Variants in ANKRD12 observed in about 807,000 individuals in gnomAD.
ANKRD12 encodes ankyrin repeat domain-containing protein 12.
ANKRD12 carries 85 observed loss-of-function variants against 183.4 expected under a neutral mutation model. The ratio of observed to expected loss-of-function variants is 0.46; its 90% CI spans 0.39 to 0.56. ANKRD12 has a LOEUF of 0.56. Ranked by LOEUF, ANKRD12 falls within the 20% of genes least tolerant of loss-of-function variation. ANKRD12 has a pLI of 0.00. For synonymous variants in ANKRD12, 914 were observed against 800.2 expected, an observed-to-expected ratio of 1.14 and a Z score of -2.40; for missense variants, 2,405 against 2,357.1, an observed-to-expected ratio of 1.02 and a Z score of -0.42.
intron 1 of ANKRD12, among the ~76,000 whole-genome samples, chr18:9,159,718 C>T (rs1368304619): frequency 6.6e-6 from 1 of 151,650 alleles, no homozygotes; most frequent in Non-Finnish European, 1.5e-5. Flanking sequence ...GGATTACAGG[C>T]GTGAGCCACT....
chr18:9,144,889 AATAC>A lies in ANKRD12; in HGVS notation c.-52+7931_-52+7934del, dbSNP rs200243083. The stretch of plus-strand genomic sequence containing the variant: ...ATTATGTATGTATTTGTATGTATGT[AATAC>A]ATACATTATGTAATAAATATGTATA... On this transcript the variant is annotated intron_variant, in intron 1 of 12. Transcript: ENST00000262126. 4.4e-3 allele frequency among the ~76,000 whole-genome samples: 671 copies of A among 152,098 alleles called. 11 individuals carry two copies. Among genetic ancestry groups the A allele is most frequent in the Non-Finnish European group, 1.4e-3 (96 of 67,954 alleles).
Position 9,255,685 on chromosome 18 carries a change from A to C in ANKRD12, c.2418A>C (p.Ile806=). The C allele has an allele frequency of 6.3e-7, 1 of 1,593,954 alleles. No individual in the cohort carries two copies. Among genetic ancestry groups the C allele is most frequent in the Non-Finnish European group, 8.5e-7 (1 of 1,174,838 alleles). ...SIGLHLVEKE[I]DIEKQEKHIK... ...GGCTTCATTTAGTGGAAAAGGAAAT[A>C]GACATTGAAAAACAAGAAAAGCATA... Residue 806 remains isoleucine (I), a synonymous_variant, in exon 9 of 13, where the codon ATA becomes ATC. Coordinates refer to ENST00000262126, the MANE Select transcript of ANKRD12 (RefSeq NM_015208.5).
chr18:9,145,566 C>G (rs994380826), intron 1 of ANKRD12, among the ~76,000 whole-genome samples: 1 of 152,144 alleles, frequency 6.6e-6, no homozygotes, highest in African/African-American at 2.4e-5. Flanking sequence ...ATCATTCTGT[C>G]TTGTTCTCTA....
chr18:9,185,912 A>T (rs1324490126), intron 2 of ANKRD12, among the ~76,000 whole-genome samples: 1 of 152,234 alleles, frequency 6.6e-6, no homozygotes, highest in Non-Finnish European at 1.5e-5. Flanking sequence ...ACAGAATGCA[A>T]TGTTAGATTT....
chr18:9,187,261 A>G (rs2034148629), intron 2 of ANKRD12, among the ~76,000 whole-genome samples: 1 of 152,204 alleles, frequency 6.6e-6, no homozygotes, highest in Non-Finnish European at 1.5e-5. Flanking sequence ...TCTACCAAAA[A>G]AAAAAAATTA....
In ANKRD12 at chr18:9,155,730, TTTG is replaced by T. The variant is rs530401896; in HGVS notation, c.-52+18768_-52+18770del. 6.3e-3 allele frequency among the ~76,000 whole-genome samples: 964 copies of T among 152,346 alleles called. 6 individuals are homozygous for T. Among genetic ancestry groups the T allele is most frequent in the Middle Eastern group, 0.017 (5 of 294 alleles). On this transcript the variant is annotated intron_variant, in intron 1 of 12. Coordinates refer to ENST00000262126, the MANE Select transcript of ANKRD12 (RefSeq NM_015208.5). The stretch of plus-strand genomic sequence containing the variant: ...CTTCTGTATGTTTACTTTTGTGTTT[TTTG>T]TTCTTTGTTCATGTCTTCTGATTTT...
Position 9,257,942 on chromosome 18 carries a change from G to GC in ANKRD12, c.4677dup (p.Phe1560LeufsTer7). ...CCTAGGAGATGTTCAAAAAACAGAT[G>GC]CCTTTGTCCCAGTGTACTCTGACAG... On this transcript the variant is annotated frameshift_variant, in exon 9 of 13. Transcript: ENST00000262126. LOFTEE classifies it high-confidence loss of function. 6.2e-7 allele frequency: 1 copy of GC among 1,613,932 alleles called. No individual in the cohort carries two copies. The highest frequency in any genetic ancestry group is 8.5e-7 in the Non-Finnish European group (1 of 1,179,966).
Position 9,211,597 on chromosome 18 carries a change from T to A in ANKRD12, c.465T>A (p.Asn155Lys), listed in dbSNP as rs752509973. Residue 155 changes from asparagine to lysine, a missense_variant, in exon 6 of 13, where the codon AAT (asparagine) becomes AAA (lysine). Physicochemically the swap from Asn to Lys is moderately conservative, Grantham distance 94 (BLOSUM62 0). Around this residue, in one of 7 missense-constraint regions of ANKRD12, gnomAD observed 35 missense variants for 37.5 expected, o/e 0.93. Coordinates refer to ENST00000262126, the MANE Select transcript of ANKRD12 (RefSeq NM_015208.5). ...ARDNSPDSTPNHPSQTTPAQK... is the reference protein window; with the variant it reads ...ARDNSPDSTPKHPSQTTPAQK... ...TCTTTCTTACAGATTCCACACCAAA[T>A]CATCCATCACAAACAACGCCTGCCC... 6.8e-6 allele frequency: 11 copies of A among 1,613,580 alleles called. No homozygotes were observed. In the Admixed American group the frequency reaches 1.8e-4, roughly 27 times the overall value.
chr18:9,202,798 T>G lies in ANKRD12; in HGVS notation c.236-1678T>G, dbSNP rs1229569632. 6.6e-5 allele frequency among the ~76,000 whole-genome samples: 10 copies of G among 152,206 alleles called. No homozygotes were observed. The East Asian group carries it at 1.9e-3, about 29-fold the overall frequency. On this transcript the variant is annotated intron_variant, in intron 3 of 12. Transcript: ENST00000262126. Reference sequence around the variant, plus strand: ...GACAGGGAAATGTTAATAGAAGCTTTAATTTTCCAGTTCCTGAGTTAAAGC... The same window carrying G: ...GACAGGGAAATGTTAATAGAAGCTTGAATTTTCCAGTTCCTGAGTTAAAGC...
At chr18:9,167,720 G>C (rs1368091598) in intron 1 of ANKRD12, among the ~76,000 whole-genome samples, 1 of 152,128 alleles carries the variant, frequency 6.6e-6, no homozygotes, top group Non-Finnish European at 1.5e-5. Flanking sequence ...TCCTTCTCCT[G>C]CCTGATTGTC....
At chr18:9,249,009 A>C (rs2038127368) in intron 8 of ANKRD12, among the ~76,000 whole-genome samples, 1 of 152,202 alleles carries the variant, frequency 6.6e-6, no homozygotes, top group Non-Finnish European at 1.5e-5. Context: ...CTCTTATCCC[A>C]CCATAAGCAC....
intron 1 of ANKRD12, among the ~76,000 whole-genome samples, chr18:9,139,809 C>G (rs1413283246): frequency 5.9e-5 from 9 of 152,188 alleles, no homozygotes; most frequent in African/African-American, 9.6e-5. Context: ...GAAGGGACCT[C>G]TGATTTTCTT....
intron 2 of ANKRD12, among the ~76,000 whole-genome samples, chr18:9,192,138 G>GT: frequency 6.6e-6 from 1 of 152,160 alleles, no homozygotes; most frequent in East Asian, 1.9e-4. Context: ...ATCCTGATTT[G>GT]TTGGTCTCAC....
intron 1 of ANKRD12, among the ~76,000 whole-genome samples, chr18:9,151,669 T>C (rs367976579): frequency 4.3e-4 from 66 of 152,346 alleles, no homozygotes; most frequent in African/African-American, 1.6e-3. Flanking sequence ...TGTCTTTTTT[T>C]CTCAAATCAA....
chr18:9,165,955 G>A (rs1369952408), intron 1 of ANKRD12, among the ~76,000 whole-genome samples: 1 of 147,532 alleles, frequency 6.8e-6, no homozygotes, highest in Non-Finnish European at 1.5e-5. Context: ...CCACCTATGA[G>A]TGAGAACATG....
intron 8 of ANKRD12, among the ~76,000 whole-genome samples, chr18:9,252,528 T>C (rs920700159): frequency 6.6e-6 from 1 of 152,218 alleles, no homozygotes; most frequent in Non-Finnish European, 1.5e-5. Flanking sequence ...TCTTTCCTTT[T>C]AAAAAAGTAG....
intron 2 of ANKRD12, among the ~76,000 whole-genome samples, chr18:9,185,331 T>A (rs907569411): frequency 6.6e-6 from 1 of 152,202 alleles, no homozygotes; most frequent in Non-Finnish European, 1.5e-5. Flanking sequence ...GTGTGGGCAG[T>A]GGCTTTTGGG....
chr18:9,232,539 G>A (rs2037112465), intron 8 of ANKRD12, among the ~76,000 whole-genome samples: 1 of 152,060 alleles, frequency 6.6e-6, no homozygotes, highest in Non-Finnish European at 1.5e-5. Flanking sequence ...TTTTCTCTTA[G>A]TGTTTTAGAA....
Position 9,254,324 on chromosome 18 carries a change from C to T in ANKRD12, c.1057C>T (p.Pro353Ser), listed in dbSNP as rs2038472729. The T allele has an allele frequency of 2.5e-6, 4 of 1,612,752 alleles. No homozygotes were observed. The highest frequency in any genetic ancestry group is 1.3e-5 in the African/African-American group (1 of 74,958). ...TAAACAGATACTTCCCAGTAAAACA[C>T]CTCTTCCATCTGCCCTTGATGAGTA... ...ESKQILPSKT[P>S]LPSALDEYEF... The change falls in exon 9 of 13, where the codon CCT (proline) becomes TCT (serine). Residue 353 changes from proline to serine, a missense_variant. By Grantham distance (74) the Pro-to-Ser change is moderately conservative. Coordinates refer to ENST00000262126, the MANE Select transcript of ANKRD12 (RefSeq NM_015208.5).
Sources: allele counts gnomAD v4.1 joint callset (sites outside exome capture counted in the v4.1 genomes callset), GRCh38; gene constraint gnomAD v4.1.1; regional missense constraint gnomAD v4.1.1; transcripts MANE v1.5; gene names NCBI Gene and HGNC (gene_info 2026-07-23, HGNC 2026-07-21).